TMC1: variants seen among roughly 807,000 people sequenced by gnomAD.
TMC1 encodes transmembrane channel like 1.
A neutral mutation model predicts 105.8 loss-of-function variants in TMC1; 84 were observed. The observed-to-expected ratio is 0.79, with a 90% CI of 0.67 to 0.95. The LOEUF (loss-of-function observed/expected upper bound fraction) is 0.95. TMC1 is among the 40% of genes least tolerant of loss of function. The probability of loss-of-function intolerance (pLI) is 0.00; values close to 1 mark genes in which losing one functional copy is unlikely to be tolerated. For synonymous variants in TMC1, 315 were observed against 311.5 expected (o/e 1.01, Z -0.12); for missense variants, 817 against 914.1 (o/e 0.89, Z 1.37).
chr9:72,715,460 C>A (rs374742080), intron 8 of TMC1, among the ~76,000 whole-genome samples: 2 of 152,024 alleles, frequency 1.3e-5, no homozygotes, highest in African/African-American at 4.8e-5. Flanking sequence ...TTGTTCATTT[C>A]TTTTCACTGT....
intron 13 of TMC1, among the ~76,000 whole-genome samples, chr9:72,780,632 C>A (rs1161490994): frequency 6.6e-6 from 1 of 152,086 alleles, no homozygotes; most frequent in Non-Finnish European, 1.5e-5. Flanking sequence ...AAAAATCTAT[C>A]AAGCAAACAG....
chr9:72,652,080 G>T (rs1825822631), intron 5 of TMC1, among the ~76,000 whole-genome samples: 1 of 151,992 alleles, frequency 6.6e-6, no homozygotes, highest in African/African-American at 2.4e-5. Flanking sequence ...ATTATTTTTT[G>T]ATTTTTTGAT....
intron 17 of TMC1, among the ~76,000 whole-genome samples, chr9:72,799,606 ATGC>A (rs1828436105): frequency 6.6e-6 from 1 of 152,128 alleles, no homozygotes; most frequent in East Asian, 1.9e-4. Context: ...TTGATGATAT[ATGC>A]TATTAATTTG....
chr9:72,740,192 A>G lies in TMC1; in HGVS notation c.436A>G (p.Lys146Glu). ...AAAAGGAAAACGGTGGTTTGCATTT[A>G]AGATGATGATGGCCAAGGTAGGTAT... is the stretch of plus-strand genomic sequence containing the variant. ...KGKGKRWFAFKMMMAKKWAKF... is the reference protein window; with the variant it reads ...KGKGKRWFAFEMMMAKKWAKF... The change falls in exon 9 of 24, where the codon AAG (lysine) becomes GAG (glutamate). Residue 146 changes from lysine to glutamate, a missense_variant. Lys to Glu is a moderately conservative substitution (Grantham distance 56). Coordinates refer to ENST00000297784, the MANE Select transcript of TMC1 (RefSeq NM_138691.3). 1 of 1,613,690 alleles carries G rather than the reference A, an allele frequency of 6.2e-7. No homozygotes were observed. Among genetic ancestry groups the G allele is most frequent in the Non-Finnish European group, 8.5e-7 (1 of 1,179,714 alleles).
intron 17 of TMC1, among the ~76,000 whole-genome samples, chr9:72,792,751 T>C (rs1253861406): frequency 6.6e-6 from 1 of 151,500 alleles, no homozygotes; most frequent in Non-Finnish European, 1.5e-5. Context: ...AAAAACAGAG[T>C]CTTGGGGGTG....
Position 72,835,973 on chromosome 9 carries a change from A to G in TMC1, c.2283A>G (p.Ter761=), listed in dbSNP as rs766103436. 9.4e-6 allele frequency: 15 copies of G among 1,602,802 alleles called. No individual in the cohort carries two copies. The highest frequency in any genetic ancestry group is 1.1e-5 in the Non-Finnish European group (13 of 1,179,122). Residue 761 remains the stop codon, a stop_retained_variant, in exon 24 of 24, where the codon TAA becomes TAG. Transcript: ENST00000297784. ...CAGCTGCAGCTGCTGGTCGCCAGTAATAAGTATCCTGAGAGCCCAGAAAAG... is the reference window on the plus strand; with the variant it reads ...CAGCTGCAGCTGCTGGTCGCCAGTAGTAAGTATCCTGAGAGCCCAGAAAAG... ...ARAAAAAGRQ[*]
chr9:72,529,046 T>C (rs1484641501), intron 1 of TMC1, among the ~76,000 whole-genome samples: 1 of 151,990 alleles, frequency 6.6e-6, no homozygotes, highest in Non-Finnish European at 1.5e-5. Context: ...AGTGTAGTTA[T>C]GATTTAAAGT....
rs547037495 is a variant in TMC1 at position 72,711,630 on chromosome 9, G to A, written c.362+10987G>A. On this transcript the variant is annotated intron_variant, in intron 8 of 23. Transcript: ENST00000297784. Reference sequence around the variant, plus strand: ...TTGATGGGGTTGTTTGATATTTCTTGTAAATTTGTTTAAGTTCTTTGTAGA... The same window carrying A: ...TTGATGGGGTTGTTTGATATTTCTTATAAATTTGTTTAAGTTCTTTGTAGA... Among the ~76,000 whole-genome samples the A allele has an allele frequency of 1.2e-3, 189 of 152,186 alleles. 1 individual carries two copies. Among genetic ancestry groups the A allele is most frequent in the African/African-American group, 4.4e-3 (181 of 41,538 alleles).
intron 18 of TMC1, 85 bp downstream of exon 18, chr9:72,805,595 G>A (rs1828562033): frequency 7.7e-7 from 1 of 1,290,322 alleles, no homozygotes; most frequent in South Asian, 1.4e-5. Flanking sequence ...CTCACAGAGG[G>A]GGATTTGGCA....
At chr9:72,818,335 T>A (rs117206881) in intron 19 of TMC1, among the ~76,000 whole-genome samples, 3,726 of 152,316 alleles carry the variant, frequency 0.024, 78 homozygotes, top group Admixed American at 0.039. Flanking sequence ...TAAAATCCAT[T>A]TTGCTATGAT....
intron 17 of TMC1, among the ~76,000 whole-genome samples, chr9:72,804,852 G>T (rs563849119): frequency 3.9e-5 from 6 of 152,302 alleles, no homozygotes; most frequent in Middle Eastern, 3.4e-3. Context: ...TTTTTATTAT[G>T]TGGGGTTTCG....
chr9:72,556,967 G>A (rs76060657), intron 1 of TMC1, among the ~76,000 whole-genome samples: 2,164 of 152,268 alleles, frequency 0.014, 37 homozygotes, highest in African/African-American at 0.048. Context: ...CATCTAATAC[G>A]TAGAGGCCAG....
At chr9:72,651,320 T>C (rs1564468920) in intron 5 of TMC1, 2 of 152,074 alleles carry the variant, frequency 1.3e-5, no homozygotes, top group Non-Finnish European at 2.9e-5. Context: ...CTGTTTTCAC[T>C]CCATGGAGAG....
intron 12 of TMC1, among the ~76,000 whole-genome samples, chr9:72,758,675 G>A (rs1022528375): frequency 6.6e-6 from 1 of 152,196 alleles, no homozygotes; most frequent in East Asian, 1.9e-4. Context: ...TGGACAATAA[G>A]GAAAGAGTAC....
chr9:72,831,225 G>A (rs377103217), intron 23 of TMC1, among the ~76,000 whole-genome samples: 6 of 152,102 alleles, frequency 3.9e-5, no homozygotes, highest in South Asian at 2.1e-4. Context: ...AGTTCCCCAC[G>A]GAAAGGTGAT....
intron 7 of TMC1, among the ~76,000 whole-genome samples, chr9:72,698,361 G>C (rs878862580): frequency 3.3e-5 from 5 of 152,174 alleles, no homozygotes; most frequent in Admixed American, 3.3e-4. Context: ...GCAAATAAAG[G>C]AGATTGAAAG....
At chr9:72,669,165 G>A (rs900259318) in intron 5 of TMC1, among the ~76,000 whole-genome samples, 4 of 152,214 alleles carry the variant, frequency 2.6e-5, no homozygotes, top group East Asian at 3.9e-4. Flanking sequence ...AATTAGCTGG[G>A]TGAGGTGGCG....
intron 10 of TMC1, among the ~76,000 whole-genome samples, chr9:72,748,647 A>G (rs1827531136): frequency 6.6e-6 from 1 of 152,144 alleles, no homozygotes; most frequent in South Asian, 2.1e-4. Flanking sequence ...TTTAGTGAAC[A>G]TCAGTTTTAG....
At chr9:72,634,151 G>A (rs1302526627) in intron 4 of TMC1, among the ~76,000 whole-genome samples, 3 of 152,170 alleles carry the variant, frequency 2.0e-5, no homozygotes, top group Admixed American at 2.0e-4. Context: ...TATCCAAACT[G>A]TCTTCGCATG....
Sources: allele counts gnomAD v4.1 joint callset (sites outside exome capture counted in the v4.1 genomes callset), GRCh38; gene constraint gnomAD v4.1.1; transcripts MANE v1.5; gene names NCBI Gene and HGNC (gene_info 2026-07-23, HGNC 2026-07-21).